WAPL: variants seen among roughly 807,000 people sequenced by gnomAD.
The protein encoded by WAPL is wings apart-like protein homolog.
WAPL carries 5 observed loss-of-function variants against 121.0 expected under a neutral mutation model. The ratio of observed to expected loss-of-function variants is 0.04; its 90% CI spans 0.02 to 0.09. WAPL has a LOEUF of 0.09. Among genes scored for constraint, WAPL ranks in the 10% least tolerant of loss-of-function variants. WAPL has a pLI of 1.00. For synonymous variants in WAPL, 480 were observed against 481.5 expected (o/e 1.00, Z 0.04); for missense variants, 999 against 1,410.8 (o/e 0.71, Z 4.68).
At chr10:86,457,008 C>A (rs902977987) in intron 12 of WAPL, among the ~76,000 whole-genome samples, 11 of 152,178 alleles carry the variant, frequency 7.2e-5, no homozygotes, top group Non-Finnish European at 1.5e-4. Flanking sequence ...ATATCAAATA[C>A]TTCCTCTTAC....
intron 15 of WAPL, among the ~76,000 whole-genome samples, chr10:86,451,750 C>T (rs899621510): frequency 3.3e-5 from 5 of 152,188 alleles, no homozygotes; most frequent in African/African-American, 7.2e-5. Flanking sequence ...TCACCCTAGA[C>T]GCTGTGAATA....
intron 2 of WAPL, among the ~76,000 whole-genome samples, chr10:86,513,524 C>A (rs916791913): frequency 6.6e-6 from 1 of 150,494 alleles, no homozygotes; most frequent in Non-Finnish European, 1.5e-5. Context: ...TTAGTAAAGA[C>A]GGGGTTTCAC....
intron 15 of WAPL, among the ~76,000 whole-genome samples, chr10:86,451,160 T>C (rs1840968543): frequency 6.6e-6 from 1 of 152,044 alleles, no homozygotes; most frequent in South Asian, 2.1e-4. Context: ...AGGCTGGTCT[T>C]GAACTCCTGG....
intron 11 of WAPL, among the ~76,000 whole-genome samples, chr10:86,459,466 G>A (rs187523605): frequency 5.3e-5 from 8 of 152,140 alleles, no homozygotes; most frequent in South Asian, 2.1e-4. Context: ...CACATGGAAC[G>A]CTACAATTTA....
Position 86,500,209 on chromosome 10 carries a change from C to A in WAPL, c.1034G>T (p.Gly345Val). ...NQAKKGGVSC[G>V]TSFRGTVGRT... ...TCCAACTGTCCCTCTAAAACTGGTC[C>A]CACAACTTACACCCCCTTTCTTTGC... Residue 345 changes from glycine (G) to valine (V), a missense_variant, in exon 3 of 19, where the codon GGG becomes GTG. Physicochemically the swap from Gly to Val is moderately radical, Grantham distance 109. Transcript: ENST00000298767. 1 of 1,614,146 alleles carries A rather than the reference C, an allele frequency of 6.2e-7. No homozygotes were observed. The highest frequency in any genetic ancestry group is 1.3e-5 in the African/African-American group (1 of 75,032).
chr10:86,509,956 G>A (rs1050378301), intron 2 of WAPL, among the ~76,000 whole-genome samples: 4 of 151,558 alleles, frequency 2.6e-5, no homozygotes, highest in Non-Finnish European at 5.9e-5. Context: ...AGTAAAGACC[G>A]GGTTTTACCA....
intron 5 of WAPL, 102 bp downstream of exon 5, chr10:86,473,776 T>A: frequency 1.1e-6 from 1 of 935,262 alleles, no homozygotes; most frequent in Admixed American, 2.4e-5. Flanking sequence ...AATAAACTGT[T>A]AAATAGAAAA....
intron 11 of WAPL, among the ~76,000 whole-genome samples, chr10:86,460,096 G>A (rs932649667): frequency 6.6e-6 from 1 of 152,218 alleles, no homozygotes. Context: ...CTGGGTGACA[G>A]AGTGAGACTC....
chr10:86,452,266 G>T, intron 14 of WAPL, 135 bp from the exon 15 acceptor site: 5 of 666,600 alleles, frequency 7.5e-6, no homozygotes, highest in Non-Finnish European at 6.8e-6. Context: ...CTAAAAACCA[G>T]TATGAAAGGC....
chr10:86,500,370 G>C lies in WAPL; in HGVS notation c.873C>G (p.Thr291=). The part of the protein sequence containing the change: ...EDIVQSVLRP[T]NCRTYCRANK... ...TGGCCCTACAGTACGTCCTACAGTT[G>C]GTTGGCCTAAGAACACTTTGTACAA... Residue 291 remains threonine, a synonymous_variant, in exon 3 of 19, where the codon ACC becomes ACG. Coordinates refer to ENST00000298767, the MANE Select transcript of WAPL (RefSeq NM_015045.5). 1 of 1,614,140 alleles carries C rather than the reference G, an allele frequency of 6.2e-7. No individual in the cohort carries two copies. The highest frequency in any genetic ancestry group is 8.5e-7 in the Non-Finnish European group (1 of 1,180,022).
At chr10:86,508,738 C>T (rs1465126302) in intron 2 of WAPL, among the ~76,000 whole-genome samples, 2 of 150,860 alleles carry the variant, frequency 1.3e-5, no homozygotes, top group Non-Finnish European at 2.9e-5. Context: ...TCTTCTCCCC[C>T]TCCATTAGTA....
At chr10:86,444,892 C>CAAA (rs35307250) in intron 16 of WAPL, among the ~76,000 whole-genome samples, 11,676 of 67,670 alleles carry the variant, frequency 0.17, 1,043 homozygotes, top group South Asian at 0.32. Flanking sequence ...GTTATTACGC[C>CAAA]AAAAAAAAAA....
At chr10:86,447,318 T>G (rs1849647139) in intron 15 of WAPL, among the ~76,000 whole-genome samples, 1 of 152,206 alleles carries the variant, frequency 6.6e-6, no homozygotes, top group Non-Finnish European at 1.5e-5. Flanking sequence ...AAAAATGTAT[T>G]AGAAGAGAAT....
At chr10:86,452,291 G>A (rs72846939) in intron 14 of WAPL, among the ~76,000 whole-genome samples, 160 bp from the exon 15 acceptor site, 5 of 147,844 alleles carry the variant, frequency 3.4e-5, no homozygotes, top group Non-Finnish European at 3.0e-5. Flanking sequence ...AAGAAAAAAA[G>A]AAAAAAAAAA....
intron 4 of WAPL, among the ~76,000 whole-genome samples, chr10:86,493,125 A>G (rs945552557): frequency 3.3e-5 from 5 of 152,032 alleles, no homozygotes; most frequent in Non-Finnish European, 5.9e-5. Flanking sequence ...GTTCAAAACT[A>G]AGAGAGACAT....
At chr10:86,452,480 T>C (rs921450145) in intron 14 of WAPL, among the ~76,000 whole-genome samples, 2 of 151,814 alleles carry the variant, frequency 1.3e-5, no homozygotes, top group African/African-American at 4.8e-5. Flanking sequence ...TAATCCCACC[T>C]AATTGGGAGG....
chr10:86,460,632 G>T, intron 10 of WAPL, 136 bp from the exon 11 acceptor site: 2 of 625,964 alleles, frequency 3.2e-6, no homozygotes, highest in Non-Finnish European at 5.3e-6. Context: ...TTTTATTCTA[G>T]GTTTCATACT....
At chr10:86,442,612 T>C (rs1348225188) in intron 17 of WAPL, among the ~76,000 whole-genome samples, 1 of 152,174 alleles carries the variant, frequency 6.6e-6, no homozygotes, top group Non-Finnish European at 1.5e-5. Context: ...CAATTTAATT[T>C]ACTCCACTCC....
Position 86,521,783 on chromosome 10 carries a change from G to T in WAPL, c.-441C>A, listed in dbSNP as rs1370274203. On this transcript the variant is annotated 5_prime_UTR_variant, in exon 1 of 19. Coordinates refer to ENST00000298767, the MANE Select transcript of WAPL (RefSeq NM_015045.5). ...CACCTCCTTCCTCCAACAGCCGCTC[G>T]CTCCGTCACTCCGCTTCCCACAGTC... 3 of 435,406 alleles carry T rather than the reference G, an allele frequency of 6.9e-6. No homozygotes were observed. The highest frequency in any genetic ancestry group is 9.5e-6 in the Non-Finnish European group (2 of 211,406). The allele number at this position is 435,406 out of a possible 1,614,324, so 27.0% of individuals were successfully genotyped here. A position where few individuals can be genotyped will look rare whatever the true frequency, so the allele number is the denominator to read the frequency against.
Sources: allele counts gnomAD v4.1 joint callset (sites outside exome capture counted in the v4.1 genomes callset), GRCh38; gene constraint gnomAD v4.1.1; transcripts MANE v1.5; gene names NCBI Gene and HGNC (gene_info 2026-07-23, HGNC 2026-07-21).